ASIC1: variants seen among roughly 807,000 people sequenced by gnomAD.
ASIC1 encodes acid-sensing ion channel 1.
In ASIC1, 21 loss-of-function variants were observed where a neutral mutation model predicts 63.4. The ratio of observed to expected loss-of-function variants is 0.33; its 90% CI spans 0.23 to 0.48. ASIC1 has a LOEUF of 0.48. ASIC1 is among the 20% of genes least tolerant of loss of function. The pLI is 0.99. For synonymous variants in ASIC1, 258 were observed against 278.2 expected (o/e 0.93, Z 0.72); for missense variants, 478 against 695.5 (o/e 0.69, Z 3.52).
rs980579308 is a variant in ASIC1, at chr12:50,074,913, G to A, written c.559-2300G>A. Among the ~76,000 whole-genome samples the A allele has an allele frequency of 2.1e-5, 3 of 143,162 alleles. No individual in the cohort carries two copies. Among genetic ancestry groups the A allele is most frequent in the African/African-American group, 8.1e-5 (3 of 37,052 alleles). The allele number at this position is 143,162 out of a possible 152,430, so 93.9% of individuals were successfully genotyped here. The stretch of plus-strand genomic sequence containing the variant: ...GTGTGTGTGTGTGTGTGTGTCTGAG[G>A]GTAAATAACAGGTCTCTAAATCATA... On this transcript the variant is annotated intron_variant, in intron 3 of 11. Coordinates refer to ENST00000447966, the MANE Select transcript of ASIC1 (RefSeq NM_001095.4). This position sits in a 1 kb window ranked among gnomAD's most constrained non-coding sequence, Gnocchi z 4.2.
Position 50,074,688 on chromosome 12 carries a change from T to C in ASIC1, c.559-2525T>C, listed in dbSNP as rs187241945. Among the ~76,000 whole-genome samples the C allele has an allele frequency of 4.1e-4, 63 of 152,164 alleles. No homozygotes were observed. In the East Asian group the frequency reaches 0.011, roughly 26 times the overall value. ...GACTGAAGCTGGGGTGGGTGCTGCC[T>C]GGTCTCTGGTGGTACAAGAGAAGGG... On this transcript the variant is annotated intron_variant, in intron 3 of 11. Coordinates refer to ENST00000447966, the MANE Select transcript of ASIC1 (RefSeq NM_001095.4). This position sits in a 1 kb window ranked among gnomAD's most constrained non-coding sequence, Gnocchi z 4.2.
chr12:50,069,782 C>T lies in ASIC1; in HGVS notation c.559-7431C>T, dbSNP rs527898720. On this transcript the variant is annotated intron_variant, in intron 3 of 11. Transcript: ENST00000447966. ...TGAATTGAGGTCTGTCTTCCCTGTTCGACAGTAAGCTCCATGAGGGCAGGT... is the reference window on the plus strand; with the variant it reads ...TGAATTGAGGTCTGTCTTCCCTGTTTGACAGTAAGCTCCATGAGGGCAGGT... 9.9e-5 allele frequency among the ~76,000 whole-genome samples: 15 copies of T among 151,596 alleles called. No homozygotes were observed. In the South Asian group the frequency reaches 1.9e-3, roughly 19 times the overall value.
At chr12:50,077,958 A>G in intron 4 of ASIC1, 42 bp from the exon 5 acceptor site, 1 of 1,579,434 alleles carries the variant, frequency 6.3e-7, no homozygotes, top group African/African-American at 1.3e-5. Flanking sequence ...GGTGTTAGGG[A>G]GTCAGGAGCC....
intron 8 of ASIC1, 113 bp downstream of exon 8, chr12:50,080,168 G>A (rs1203696288): frequency 7.0e-6 from 10 of 1,426,184 alleles, no homozygotes; most frequent in African/African-American, 1.4e-5. Context: ...GATAACACGG[G>A]GAAGGTCCAA....
At chr12:50,064,030 G>A (rs1950524128) in intron 3 of ASIC1, among the ~76,000 whole-genome samples, 1 of 152,144 alleles carries the variant, frequency 6.6e-6, no homozygotes, top group African/African-American at 2.4e-5. Flanking sequence ...GACAGGGGAA[G>A]GGGAATCTTG....
At chr12:50,066,716 T>A (rs1950548595) in intron 3 of ASIC1, among the ~76,000 whole-genome samples, 1 of 152,206 alleles carries the variant, frequency 6.6e-6, no homozygotes, top group African/African-American at 2.4e-5. Context: ...CTCTGATGAC[T>A]ACTTCGAACT....
intron 3 of ASIC1, among the ~76,000 whole-genome samples, chr12:50,076,326 G>T (rs764570307): frequency 6.6e-6 from 1 of 152,152 alleles, no homozygotes; most frequent in Non-Finnish European, 1.5e-5. Context: ...AATTAGCCGG[G>T]TGTGATGTTG....
chr12:50,059,752 A>C lies in ASIC1; in HGVS notation c.363-7A>C. The C allele has an allele frequency of 5.6e-6, 9 of 1,611,842 alleles. No homozygotes were observed. Among genetic ancestry groups the C allele is most frequent in the South Asian group, 2.2e-5 (2 of 90,700 alleles). ...TGACCCGTGTGTCACTCACCCCCGG[A>C]CCCCAGGTATGAGATACCAGACACA... On this transcript the variant is annotated splice_region_variant and splice_polypyrimidine_tract_variant and intron_variant, in intron 2 of 11. Transcript: ENST00000447966. The surrounding 1 kb of genome is among the most constrained non-coding windows in gnomAD (Gnocchi z 4.6).
In ASIC1 at chr12:50,081,399, C is replaced by T. The variant is rs538304777; in HGVS notation, c.1482+35C>T. The T allele has an allele frequency of 5.3e-4, 825 of 1,554,292 alleles. 7 individuals are homozygous for T. The South Asian group carries it at 9.2e-3, about 17-fold the overall frequency. The stretch of plus-strand genomic sequence containing the variant: ...CGAGCGAGGGCGCCCTCCAGCCCGC[C>T]TGTGCCTCCACCGCCCCAGGAACCC... On this transcript the variant is annotated intron_variant, in intron 11 of 11. Coordinates refer to ENST00000447966, the MANE Select transcript of ASIC1 (RefSeq NM_001095.4).
In ASIC1 at chr12:50,059,001, G is replaced by A. The variant is rs749289094; in HGVS notation, c.235G>A (p.Glu79Lys). 8 of 1,614,214 alleles carry A rather than the reference G, an allele frequency of 5.0e-6. No individual in the cohort carries two copies. Among genetic ancestry groups the A allele is most frequent in the East Asian group, 2.2e-5 (1 of 44,886 alleles). The change falls in exon 2 of 12, where the codon GAG becomes AAG. Residue 79 changes from glutamate (E) to lysine (K), a missense_variant. Physicochemically the swap from Glu to Lys is moderately conservative, Grantham distance 56. Coordinates refer to ENST00000447966, the MANE Select transcript of ASIC1 (RefSeq NM_001095.4). This position sits in a 1 kb window ranked among gnomAD's most constrained non-coding sequence, Gnocchi z 4.6. ...CTACCACCATGTCACCAAGCTCGAC[G>A]AGGTGGCTGCCTCTCAGCTTACCTT... Reference protein sequence around the residue: ...FHYHHVTKLDEVAASQLTFPA... With the variant: ...FHYHHVTKLDKVAASQLTFPA...
chr12:50,064,949 T>C (rs976104419), intron 3 of ASIC1, among the ~76,000 whole-genome samples: 3 of 151,484 alleles, frequency 2.0e-5, no homozygotes, highest in African/African-American at 7.3e-5. Flanking sequence ...CTGAGAGCCA[T>C]GGGGGTGGTA....
chr12:50,078,007 G>T lies in ASIC1; in HGVS notation c.717G>T (p.Thr239=). The change falls in exon 5 of 12, where the codon ACG becomes ACT. Residue 239 remains threonine, a synonymous_variant. Coordinates refer to ENST00000447966, the MANE Select transcript of ASIC1 (RefSeq NM_001095.4). This position sits in a 1 kb window ranked among gnomAD's most constrained non-coding sequence, Gnocchi z 6.0. ...YLPVWGETDE[T]SFEAGIKVQI... is the part of the protein sequence containing the mutation. ...CACTCCTCATTCCCCTAGACGAGAC[G>T]TCCTTCGAAGCAGGCATCAAAGTGC... 22 of 1,612,302 alleles carry T rather than the reference G, an allele frequency of 1.4e-5. No homozygotes were observed. Among genetic ancestry groups the T allele is most frequent in the Non-Finnish European group, 1.9e-5 (22 of 1,178,964 alleles).
chr12:50,058,879 G>A lies in ASIC1; in HGVS notation c.113G>A (p.Arg38Gln), dbSNP rs780207910. Residue 38 changes from arginine to glutamine, a missense_variant, in exon 2 of 12, where the codon CGG (arginine) becomes CAG (glutamine). By Grantham distance (43) the Arg-to-Gln change is conservative (BLOSUM62 1). This residue lies in a region of ASIC1 where 290 missense variants were observed against 414.9 expected (regional missense o/e 0.70). Transcript: ENST00000447966. ...CTGGCCCACATCTTCTCCTACGAGC[G>A]GCTGTCTCTGAAGCGGGCACTGTGG... ...HGLAHIFSYE[R>Q]LSLKRALWAL... 2.1e-5 allele frequency: 34 copies of A among 1,613,956 alleles called. No individual in the cohort carries two copies. The highest frequency in any genetic ancestry group is 4.4e-5 in the South Asian group (4 of 91,088).
chr12:50,073,628 A>G, intron 3 of ASIC1: 1 of 1,535,906 alleles, frequency 6.5e-7, no homozygotes, highest in Non-Finnish European at 8.7e-7. Flanking sequence ...TCCTCTGGAG[A>G]GGAAGCCCCA....
At chr12:50,077,907 T>G in intron 4 of ASIC1, 93 bp from the exon 5 acceptor site, 2 of 1,520,940 alleles carry the variant, frequency 1.3e-6, no homozygotes, top group Non-Finnish European at 1.8e-6. Context: ...GTGCACCCTA[T>G]GCTTATTTCC....
At position 50,081,943 on chromosome 12, in the gene ASIC1, TTCTG is replaced by T; in HGVS notation, c.*298_*301del. The T allele has an allele frequency of 2.3e-6, 1 of 434,228 alleles. No homozygotes were observed. Among genetic ancestry groups the T allele is most frequent in the Non-Finnish European group, 4.2e-6 (1 of 238,756 alleles). 26.9% of individuals were successfully genotyped at this position (434,228 alleles called of 1,614,324 possible). A position where few individuals can be genotyped will look rare whatever the true frequency, so the allele number is the denominator to read the frequency against. ...TGCCTCCCCTAGCTCCCAGCCTGAATTCTGTCTATCTAGCTGTCTGCCATCTGAG... is the reference window on the plus strand; with the variant it reads ...TGCCTCCCCTAGCTCCCAGCCTGAATTCTATCTAGCTGTCTGCCATCTGAG... On this transcript the variant is annotated 3_prime_UTR_variant, in exon 12 of 12. Transcript: ENST00000447966.
intron 11 of ASIC1, 27 bp from the exon 12 acceptor site, chr12:50,081,518 C>A: frequency 3.1e-6 from 5 of 1,611,040 alleles, no homozygotes; most frequent in Non-Finnish European, 4.2e-6. Context: ...AGGGATAACC[C>A]GTCCCTGTCC....
In ASIC1 at chr12:50,077,419, A is replaced by G. The variant is rs1950667817; in HGVS notation, c.709+56A>G. The G allele has an allele frequency of 8.1e-6, 13 of 1,605,598 alleles. No individual in the cohort carries two copies. The South Asian group carries it at 1.3e-4, about 16-fold the overall frequency. On this transcript the variant is annotated intron_variant, in intron 4 of 11. Transcript: ENST00000447966. ...ATGGCTCTAGGCCCCAGCCTCTGCC[A>G]GGGGATTCCTGGGCTTCACTGTGAG...
chr12:50,079,673 C>T (rs1176449635), intron 7 of ASIC1, among the ~76,000 whole-genome samples: 1 of 152,138 alleles, frequency 6.6e-6, no homozygotes, highest in Non-Finnish European at 1.5e-5. Context: ...CCATCTACAT[C>T]GTTGGTTCAG....
Sources: gnomAD v4.1 joint callset for allele counts (sites outside exome capture counted in the v4.1 genomes callset) on GRCh38, gnomAD v4.1.1 for gene constraint, gnomAD v4.1.1 regional missense constraint, Gnocchi (gnomAD v3.1) non-coding constraint, MANE v1.5 for transcripts, NCBI Gene and HGNC (gene_info 2026-07-23, HGNC 2026-07-21) for gene names.